MIB1: variants seen among roughly 807,000 people sequenced by gnomAD.
The protein encoded by MIB1 is MIB E3 ubiquitin protein ligase 1.
MIB1 carries 278 observed loss-of-function variants against 124.5 expected under a neutral mutation model. The ratio of observed to expected loss-of-function variants is 2.23; its 90% CI spans 2.02 to 2.47. The LOEUF is 2.47. Ranked by LOEUF, MIB1 falls within the 30% of genes most tolerant of loss-of-function variation. The pLI is 0.00. For synonymous variants in MIB1, 446 were observed against 429.4 expected, an observed-to-expected ratio of 1.04 and a Z score of -0.48; for missense variants, 957 against 1,254.4, an observed-to-expected ratio of 0.76 and a Z score of 3.58.
In MIB1 at chr18:21,858,574, G is replaced by A. The variant is rs752695428; in HGVS notation, c.2808G>A (p.Lys936=). The change falls in exon 20 of 21, where the codon AAG becomes AAA. Residue 936 remains lysine, a synonymous_variant. Transcript: ENST00000261537. ...GTGGGAATATTCCAGTATTACAAAAGGACAAGGATAATACCAATGTCAATG... is the reference window on the plus strand; with the variant it reads ...GTGGGAATATTCCAGTATTACAAAAAGACAAGGATAATACCAATGTCAATG... ...ISSGNIPVLQ[K]DKDNTNVNAD... The A allele has an allele frequency of 3.8e-6, 6 of 1,587,962 alleles. No homozygotes were observed. Among genetic ancestry groups the A allele is most frequent in the Non-Finnish European group, 5.2e-6 (6 of 1,158,096 alleles).
At chr18:21,764,968 GA>G (rs199944075) in intron 1 of MIB1, among the ~76,000 whole-genome samples, 1 of 150,236 alleles carries the variant, frequency 6.7e-6, no homozygotes, top group Non-Finnish European at 1.5e-5. Flanking sequence ...ACACATTGTT[GA>G]AAAAAAAATC....
chr18:21,786,758 A>G (rs1164887774), intron 6 of MIB1, among the ~76,000 whole-genome samples: 3 of 152,100 alleles, frequency 2.0e-5, no homozygotes, highest in African/African-American at 4.8e-5. Flanking sequence ...CAACAGATAC[A>G]TTTCTCAGTT....
rs895202697 is a variant in MIB1, at chr18:21,847,817, C to T, written c.2393+692C>T. 2.0e-5 allele frequency among the ~76,000 whole-genome samples: 3 copies of T among 152,198 alleles called. No individual in the cohort carries two copies. The East Asian group carries it at 5.8e-4, about 29-fold the overall frequency. On this transcript the variant is annotated intron_variant, in intron 16 of 20. Transcript: ENST00000261537. ...CTAAAGATGATCATTTCACATTTGT[C>T]TCTTTTTCTGAAAGATATGTCAGTG...
intron 20 of MIB1, among the ~76,000 whole-genome samples, chr18:21,862,064 G>A (rs988873367): frequency 3.7e-4 from 57 of 152,100 alleles, no homozygotes; most frequent in African/African-American, 1.3e-3. Context: ...GCCACACCTG[G>A]CTAATTTATT....
intron 1 of MIB1, among the ~76,000 whole-genome samples, chr18:21,754,972 T>C (rs1446859367): frequency 1.3e-5 from 2 of 152,200 alleles, no homozygotes; most frequent in African/African-American, 4.8e-5. Context: ...AACGAAACTC[T>C]ACTCTGCACC....
chr18:21,764,019 G>C (rs1445914644), intron 1 of MIB1, among the ~76,000 whole-genome samples: 3 of 151,848 alleles, frequency 2.0e-5, no homozygotes, highest in Admixed American at 6.6e-5. Context: ...AGTGATACTT[G>C]AAAGCAGCAG....
chr18:21,733,345 C>G (rs1199320358), intron 1 of MIB1, among the ~76,000 whole-genome samples: 2 of 152,168 alleles, frequency 1.3e-5, no homozygotes, highest in African/African-American at 4.8e-5. Context: ...GCCTTGAACT[C>G]CTAGGCTCAA....
At chr18:21,743,209 T>G (rs1388278530) in intron 1 of MIB1, among the ~76,000 whole-genome samples, 2 of 152,244 alleles carry the variant, frequency 1.3e-5, no homozygotes, top group African/African-American at 2.4e-5. Flanking sequence ...AATACTCTAT[T>G]GCATGGCAAG....
chr18:21,795,352 AAAT>A (rs1485554964), intron 7 of MIB1, among the ~76,000 whole-genome samples: 3 of 142,900 alleles, frequency 2.1e-5, no homozygotes, highest in African/African-American at 5.1e-5. Flanking sequence ...TATAATATAT[AAAT>A]AATACATAAT....
intron 5 of MIB1, among the ~76,000 whole-genome samples, chr18:21,778,598 T>TA (rs982237573): frequency 2.0e-5 from 3 of 151,604 alleles, no homozygotes; most frequent in African/African-American, 4.8e-5. Flanking sequence ...ATCATTAAAA[T>TA]AAAAAAAAGG....
intron 10 of MIB1, among the ~76,000 whole-genome samples, chr18:21,806,538 C>A (rs530905471): frequency 3.1e-4 from 47 of 151,982 alleles, no homozygotes; most frequent in African/African-American, 1.1e-3. Flanking sequence ...ACAAAACAAA[C>A]AGTTAGTTAA....
intron 11 of MIB1, among the ~76,000 whole-genome samples, chr18:21,816,827 A>G (rs2041833806): frequency 6.6e-6 from 1 of 152,054 alleles, no homozygotes; most frequent in Non-Finnish European, 1.5e-5. Flanking sequence ...GCTGTTTTGG[A>G]ACTGTTGGGA....
intron 15 of MIB1, among the ~76,000 whole-genome samples, chr18:21,846,407 G>T (rs1300023641): frequency 6.6e-6 from 1 of 152,122 alleles, no homozygotes; most frequent in East Asian, 1.9e-4. Context: ...AACAGTTATT[G>T]TGACTATTTT....
At chr18:21,828,074 A>G (rs559332749) in intron 12 of MIB1, 1 of 151,982 alleles carries the variant, frequency 6.6e-6, no homozygotes, top group Admixed American at 6.6e-5. Flanking sequence ...GTGAAATAAA[A>G]GTATTTTGAT....
chr18:21,739,935 C>CAA (rs113489981), upstream of MIB1, among the ~76,000 whole-genome samples: 7,553 of 149,404 alleles, frequency 0.051, 377 homozygotes, highest in African/African-American at 0.12. Context: ...AAAAAAAAAA[C>CAA]AACAACAAAA....
intron 12 of MIB1, among the ~76,000 whole-genome samples, chr18:21,835,401 A>G (rs1854558665): frequency 6.6e-6 from 1 of 152,154 alleles, no homozygotes; most frequent in East Asian, 1.9e-4. Flanking sequence ...AAGAGAGGAA[A>G]GAGTCTAGAA....
chr18:21,860,034 G>A (rs546456027), intron 20 of MIB1, among the ~76,000 whole-genome samples: 42 of 149,044 alleles, frequency 2.8e-4, no homozygotes, highest in Non-Finnish European at 5.2e-4. Context: ...TTATAGAGGG[G>A]CTTCAAAAAT....
chr18:21,856,002 G>A (rs537195309), intron 18 of MIB1, among the ~76,000 whole-genome samples: 7 of 151,496 alleles, frequency 4.6e-5, no homozygotes, highest in South Asian at 2.1e-4. Context: ...AGGCCGAAGC[G>A]GGTGGATCAT....
chr18:21,841,480 CATT>C (rs749543693), intron 13 of MIB1, among the ~76,000 whole-genome samples: 22 of 152,288 alleles, frequency 1.4e-4, no homozygotes, highest in Non-Finnish European at 2.9e-4. Flanking sequence ...CAAGTGAAAG[CATT>C]ATTAGTGATT....
Sources: gnomAD v4.1 joint callset for allele counts (sites outside exome capture counted in the v4.1 genomes callset) on GRCh38, gnomAD v4.1.1 for gene constraint, MANE v1.5 for transcripts, NCBI Gene and HGNC (gene_info 2026-07-23, HGNC 2026-07-21) for gene names.